The following BSN variants were observed in gnomAD, a reference collection of about 807,000 sequenced individuals.
The protein encoded by BSN is protein bassoon.
A neutral mutation model predicts 264.8 loss-of-function variants in BSN; 57 were observed. The ratio of observed to expected loss-of-function variants is 0.22; its 90% CI spans 0.17 to 0.27. BSN has a LOEUF of 0.27. Ranked by LOEUF, BSN falls within the 10% of genes least tolerant of loss-of-function variation. The pLI is 1.00. For missense variants in BSN, 4,615 were observed against 5,232.5 expected, an observed-to-expected ratio of 0.88 and a Z score of 3.64; for synonymous variants, 2,059 against 2,137.3, an observed-to-expected ratio of 0.96 and a Z score of 1.01.
chr3:49,576,774 C>T (rs1353363964), intron 1 of BSN, among the ~76,000 whole-genome samples: 2 of 152,180 alleles, frequency 1.3e-5, no homozygotes, highest in Non-Finnish European at 2.9e-5. Flanking sequence ...TGCTCAGGCT[C>T]ATACTCATCT....
At chr3:49,560,895 G>T (rs540006433) in intron 1 of BSN, among the ~76,000 whole-genome samples, 1 of 152,158 alleles carries the variant, frequency 6.6e-6, no homozygotes, top group Admixed American at 6.5e-5. Flanking sequence ...TGGCCCATTT[G>T]TCTTATATTT....
chr3:49,566,978 C>T, intron 1 of BSN, among the ~76,000 whole-genome samples: 1 of 151,688 alleles, frequency 6.6e-6, no homozygotes, highest in Middle Eastern at 3.4e-3. Flanking sequence ...TATCTGTCAA[C>T]CTTTTTTTTA....
chr3:49,557,574 A>C (rs1239438751), intron 1 of BSN, among the ~76,000 whole-genome samples: 1 of 144,730 alleles, frequency 6.9e-6, no homozygotes, highest in Admixed American at 6.8e-5. Flanking sequence ...TGCACCTGTC[A>C]GTTTTTTTTT....
At position 49,660,900 on chromosome 3, in the gene BSN, C is replaced by G; in HGVS notation, c.9055C>G (p.Gln3019Glu). ...RDYLSDSELN[Q>E]LRLQGCTTPA... Reference sequence around the variant, plus strand: ...CTACCTATCGGACAGTGAGCTCAACCAGCTGCGGCTCCAGGGCTGCACCAC... The same window carrying G: ...CTACCTATCGGACAGTGAGCTCAACGAGCTGCGGCTCCAGGGCTGCACCAC... The change falls in exon 6 of 12, where the codon CAG (glutamine) becomes GAG (glutamate). Residue 3019 changes from glutamine (Q) to glutamate (E), a missense_variant. This residue lies in a region of BSN where 3,415 missense variants were observed against 3,866.4 expected (regional missense o/e 0.88). Coordinates refer to ENST00000296452, the MANE Select transcript of BSN (RefSeq NM_003458.4). The surrounding 1 kb of genome is among the most constrained non-coding windows in gnomAD (Gnocchi z 7.1). 6.2e-7 allele frequency: 1 copy of G among 1,613,012 alleles called. No individual in the cohort carries two copies. The highest frequency in any genetic ancestry group is 8.5e-7 in the Non-Finnish European group (1 of 1,180,016).
In BSN at chr3:49,585,943, G is replaced by A. The variant is rs888076075; in HGVS notation, c.224+31117G>A. Among the ~76,000 whole-genome samples the A allele has an allele frequency of 3.3e-5, 5 of 151,860 alleles. No homozygotes were observed. On this transcript the variant is annotated intron_variant, in intron 1 of 11. Coordinates refer to ENST00000296452, the MANE Select transcript of BSN (RefSeq NM_003458.4). The surrounding 1 kb of genome is among the most constrained non-coding windows in gnomAD (Gnocchi z 4.7). ...TCAGATCTTTTGTTCATTTTTGATC[G>A]GATTATTAGATTTTTTTCTATATAG...
chr3:49,598,199 A>G (rs537798034), intron 1 of BSN, among the ~76,000 whole-genome samples: 4 of 152,306 alleles, frequency 2.6e-5, no homozygotes, highest in Admixed American at 2.6e-4. Flanking sequence ...GTTGCTTTGC[A>G]TGTCTCATAA....
chr3:49,605,430 AATATATATTATATATATTATATAATATAT>A (rs2052107655), intron 1 of BSN, among the ~76,000 whole-genome samples: 1 of 32,950 alleles, frequency 3.0e-5, no homozygotes, highest in South Asian at 9.3e-4. Flanking sequence ...ATTTATATAT[AATATATATTATATATATTATATAATATAT>A]ATTATATATA....
chr3:49,652,252 A>G lies in BSN; in HGVS notation c.2696A>G (p.His899Arg), dbSNP rs748587904. The G allele has an allele frequency of 1.2e-6, 2 of 1,604,678 alleles. No individual in the cohort carries two copies. The highest frequency in any genetic ancestry group is 1.1e-5 in the South Asian group (1 of 90,186). Residue 899 changes from histidine to arginine, a missense_variant, in exon 5 of 12, where the codon CAC becomes CGC. Coordinates refer to ENST00000296452, the MANE Select transcript of BSN (RefSeq NM_003458.4). ...PAALPKRRLP[H>R]NATTGYEELL... ...GCACTGCCCAAGAGGCGCCTGCCCC[A>G]CAATGCCACCACGGGCTATGAGGAG...
chr3:49,667,308 CAAAAAAAAAA>C (rs34434564), intron 11 of BSN, among the ~76,000 whole-genome samples: 1 of 118,090 alleles, frequency 8.5e-6, no homozygotes, highest in Non-Finnish European at 1.8e-5. Context: ...ACTCTTAAGC[CAAAAAAAAAA>C]AAAAAAAAGG....
intron 1 of BSN, among the ~76,000 whole-genome samples, chr3:49,622,889 T>A (rs901802761): frequency 1.3e-5 from 2 of 152,220 alleles, no homozygotes; most frequent in Non-Finnish European, 2.9e-5. Flanking sequence ...ACTCAAACTC[T>A]GGTTGTCTTG....
At chr3:49,581,022 C>T (rs1460338205) in intron 1 of BSN, among the ~76,000 whole-genome samples, 2 of 150,532 alleles carry the variant, frequency 1.3e-5, no homozygotes, top group Non-Finnish European at 3.0e-5. Flanking sequence ...GCTCTCATCA[C>T]TCAGGCTGGA....
chr3:49,613,342 G>GAGAGAGAA, intron 1 of BSN, among the ~76,000 whole-genome samples: 1 of 149,976 alleles, frequency 6.7e-6, no homozygotes, highest in African/African-American at 2.5e-5. Context: ...GAGAGAGAGA[G>GAGAGAGAA]AGAGAGAAGG....
chr3:49,571,611 A>G (rs1451253357), intron 1 of BSN, among the ~76,000 whole-genome samples: 32 of 151,950 alleles, frequency 2.1e-4, no homozygotes, highest in Admixed American at 2.1e-3. Flanking sequence ...TAGTGCACTC[A>G]CTCTGAGCCA....
In BSN at chr3:49,585,260, A is replaced by C. The variant is rs2051925585; in HGVS notation, c.224+30434A>C. Among the ~76,000 whole-genome samples the C allele has an allele frequency of 6.6e-6, 1 of 151,926 alleles. No individual in the cohort carries two copies. ...TATTTTTGGTGTGTCTAGGTCAAGG[A>C]AAGAGGAGATCGTGGGTGGGGAAAC... On this transcript the variant is annotated intron_variant, in intron 1 of 11. Transcript: ENST00000296452. The surrounding 1 kb of genome is among the most constrained non-coding windows in gnomAD (Gnocchi z 4.7).
Position 49,656,839 on chromosome 3 carries a change from A to T in BSN, c.7283A>T (p.Gln2428Leu), listed in dbSNP as rs1163761054. The change falls in exon 5 of 12, where the codon CAG becomes CTG. Residue 2428 changes from glutamine (Q) to leucine (L), a missense_variant. Gln to Leu is a moderately radical substitution (Grantham distance 113, BLOSUM62 -2). Coordinates refer to ENST00000296452, the MANE Select transcript of BSN (RefSeq NM_003458.4). Reference protein sequence around the residue: ...ELQTIKHHVLQQQQEERQAQF... With the variant: ...ELQTIKHHVLLQQQEERQAQF... Reference sequence around the variant, plus strand: ...CAGACCATCAAGCACCATGTGCTGCAGCAGCAGCAAGAGGAACGCCAGGCT... The same window carrying T: ...CAGACCATCAAGCACCATGTGCTGCTGCAGCAGCAAGAGGAACGCCAGGCT... The T allele has an allele frequency of 2.1e-5, 33 of 1,600,576 alleles. No individual in the cohort carries two copies. The highest frequency in any genetic ancestry group is 2.8e-5 in the Non-Finnish European group (33 of 1,174,236).
intron 2 of BSN, among the ~76,000 whole-genome samples, chr3:49,640,060 A>G (rs1354616272): frequency 1.3e-5 from 2 of 152,234 alleles, no homozygotes; most frequent in Non-Finnish European, 2.9e-5. Flanking sequence ...GGTAAATAAA[A>G]GGGGCCTTCT....
chr3:49,599,571 C>T (rs2052055311), intron 1 of BSN, among the ~76,000 whole-genome samples: 1 of 152,120 alleles, frequency 6.6e-6, no homozygotes, highest in African/African-American at 2.4e-5. Context: ...GTTGTCCAAA[C>T]ACCACAGACT....
chr3:49,615,882 T>G (rs192625712), intron 1 of BSN, among the ~76,000 whole-genome samples: 14 of 152,228 alleles, frequency 9.2e-5, no homozygotes, highest in African/African-American at 2.6e-4. Flanking sequence ...GACTGGCGAT[T>G]AAGAGTGTAA....
At chr3:49,570,248 C>T (rs529352905) in intron 1 of BSN, among the ~76,000 whole-genome samples, 21 of 152,106 alleles carry the variant, frequency 1.4e-4, no homozygotes, top group Non-Finnish European at 2.6e-4. Flanking sequence ...GGGTTTCCTG[C>T]CAGGGCACTT....
Sources: gnomAD v4.1 joint callset for allele counts (sites outside exome capture counted in the v4.1 genomes callset) on GRCh38, gnomAD v4.1.1 for gene constraint, gnomAD v4.1.1 regional missense constraint, Gnocchi (gnomAD v3.1) non-coding constraint, MANE v1.5 for transcripts, NCBI Gene and HGNC (gene_info 2026-07-23, HGNC 2026-07-21) for gene names.